Variants in SDK2 observed in about 807,000 individuals in gnomAD.
SDK2 encodes the protein sidekick cell adhesion molecule 2, also known as protein sidekick-2.
SDK2 carries 105 observed loss-of-function variants against 253.9 expected under a neutral mutation model. That is an observed-to-expected ratio of 0.41 (90% CI 0.35 to 0.49). The LOEUF (loss-of-function observed/expected upper bound fraction) is 0.49. Ranked by LOEUF, SDK2 falls within the 20% of genes least tolerant of loss-of-function variation. The probability of loss-of-function intolerance (pLI) is 0.06; values close to 1 mark genes in which losing one functional copy is unlikely to be tolerated. For synonymous variants in SDK2, 1,249 were observed against 1,234.9 expected (o/e 1.01, Z -0.24); for missense variants, 2,608 against 3,003.0 (o/e 0.87, Z 3.07).
Position 73,534,046 on chromosome 17 carries a change from GCTCCTCCTCCTC to G in SDK2, c.65-26461_65-26450del, listed in dbSNP as rs1004554158. Among the ~76,000 whole-genome samples, 1 of 151,662 alleles carries G rather than the reference GCTCCTCCTCCTC, an allele frequency of 6.6e-6. No individual in the cohort carries two copies. Among genetic ancestry groups the G allele is most frequent in the Admixed American group, 6.6e-5 (1 of 15,236 alleles). The stretch of plus-strand genomic sequence containing the variant: ...CGCCATTCTGCTCCGCCTGCTCCCT[GCTCCTCCTCCTC>G]CTCCTCCTTCCCCGCCTCCTCCCCT... On this transcript the variant is annotated intron_variant, in intron 1 of 44. Coordinates refer to ENST00000392650, the MANE Select transcript of SDK2 (RefSeq NM_001144952.2). This position sits in a 1 kb window ranked among gnomAD's most constrained non-coding sequence, Gnocchi z 4.9.
intron 37 of SDK2, among the ~76,000 whole-genome samples, chr17:73,365,985 A>G (rs1341377625): frequency 6.6e-6 from 1 of 152,106 alleles, no homozygotes; most frequent in Non-Finnish European, 1.5e-5. Flanking sequence ...ACCCTGTGGC[A>G]ACCCCAAAAT....
intron 1 of SDK2, among the ~76,000 whole-genome samples, chr17:73,586,342 T>G (rs77218950): frequency 0.015 from 2,297 of 152,166 alleles, 43 homozygotes; most frequent in African/African-American, 0.043. Context: ...GCTGGATCAA[T>G]TCATCCATGT....
At chr17:73,611,506 G>A (rs2045974490) in intron 1 of SDK2, among the ~76,000 whole-genome samples, 1 of 152,226 alleles carries the variant, frequency 6.6e-6, no homozygotes, top group African/African-American at 2.4e-5. Flanking sequence ...TGCCCTGGGG[G>A]GACCCCAACA....
At chr17:73,549,809 T>G (rs1002885090) in intron 1 of SDK2, among the ~76,000 whole-genome samples, 4 of 151,932 alleles carry the variant, frequency 2.6e-5, no homozygotes, top group South Asian at 4.2e-4. Context: ...CGAGGTGGCA[T>G]GATGAGAGGC....
intron 8 of SDK2, among the ~76,000 whole-genome samples, chr17:73,436,723 A>C (rs1357926052): frequency 5.3e-5 from 8 of 151,720 alleles, no homozygotes; most frequent in Non-Finnish European, 1.2e-4. Context: ...GTGATGCCAC[A>C]TTTCATCCAA....
rs1204184247 is a variant in SDK2 at position 73,337,527 on chromosome 17, T to C, written c.*1060A>G. 1 of 142,408 alleles carries C rather than the reference T, an allele frequency of 7.0e-6. No individual in the cohort carries two copies. The highest frequency in any genetic ancestry group is 2.0e-4 in the East Asian group (1 of 5,050). The allele number at this position is 142,408 out of a possible 1,614,324, so 8.8% of individuals were successfully genotyped here. Reference sequence around the variant, plus strand: ...GATGTGTGTGTGTGTGTGTGTGTGGTGAGGATCTATCCAGTGGAGAGTGAC... The same window carrying C: ...GATGTGTGTGTGTGTGTGTGTGTGGCGAGGATCTATCCAGTGGAGAGTGAC... On this transcript the variant is annotated 3_prime_UTR_variant, in exon 45 of 45. Transcript: ENST00000392650.
In SDK2 at chr17:73,394,699, G is replaced by A. The variant is rs375563850; in HGVS notation, c.3593-375C>T. The stretch of plus-strand genomic sequence containing the variant: ...GCCACAGAGCAGTGAACCATGTGTG[G>A]ATGGATGAGAGTTGCCTGAATGCTG... On this transcript the variant is annotated intron_variant, in intron 25 of 44. Transcript: ENST00000392650. Among the ~76,000 whole-genome samples, 164 of 152,314 alleles carry A rather than the reference G, an allele frequency of 1.1e-3. 3 individuals are homozygous for A. In the South Asian group the frequency reaches 0.034, roughly 31 times the overall value.
intron 1 of SDK2, among the ~76,000 whole-genome samples, chr17:73,554,940 T>C (rs1382409724): frequency 6.6e-6 from 1 of 152,248 alleles, no homozygotes; most frequent in East Asian, 1.9e-4. Context: ...CTGAGTCTCT[T>C]CCATCTTCAG....
intron 1 of SDK2, among the ~76,000 whole-genome samples, chr17:73,535,376 A>T (rs557632305): frequency 6.6e-6 from 1 of 152,186 alleles, no homozygotes; most frequent in African/African-American, 2.4e-5. Context: ...TGACAGGAAA[A>T]ATGACATGAT....
At chr17:73,422,479 ATGAAGCATGCT>A in intron 14 of SDK2, 45 bp from the exon 15 acceptor site, 1 of 1,597,288 alleles carries the variant, frequency 6.3e-7, no homozygotes, top group Non-Finnish European at 8.6e-7. Context: ...CTTGGGTGGG[ATGAAGCATGCT>A]TCTTACTCCC....
intron 18 of SDK2, among the ~76,000 whole-genome samples, chr17:73,405,505 T>TACATAC (rs2063068181): frequency 3.4e-5 from 2 of 58,836 alleles, no homozygotes; most frequent in Non-Finnish European, 7.0e-5. Context: ...TATATATATA[T>TACATAC]ATATATATAT....
At chr17:73,404,329 A>C (rs2063053607) in intron 18 of SDK2, among the ~76,000 whole-genome samples, 1 of 152,168 alleles carries the variant, frequency 6.6e-6, no homozygotes, top group South Asian at 2.1e-4. Context: ...TCCCTGCCTC[A>C]GGTCCAGGGA....
rs369504497 is a variant in SDK2, at chr17:73,540,987, C to A, written c.65-33390G>T. ...GTTGTGGCTACACCGTACACCCCAGCCTCCCCTACAGCACTTTCCTGGCAA... is the reference window on the plus strand; with the variant it reads ...GTTGTGGCTACACCGTACACCCCAGACTCCCCTACAGCACTTTCCTGGCAA... On this transcript the variant is annotated intron_variant, in intron 1 of 44. Transcript: ENST00000392650. Among the ~76,000 whole-genome samples, 88 of 152,352 alleles carry A rather than the reference C, an allele frequency of 5.8e-4. No individual in the cohort carries two copies. In the South Asian group the frequency reaches 0.018, roughly 31 times the overall value.
intron 1 of SDK2, among the ~76,000 whole-genome samples, chr17:73,638,407 G>T (rs891728106): frequency 1.3e-5 from 2 of 152,218 alleles, no homozygotes; most frequent in Admixed American, 6.5e-5. Context: ...GAGAGCGAGG[G>T]AGTGGGTGCT....
intron 3 of SDK2, among the ~76,000 whole-genome samples, chr17:73,470,657 C>T (rs750471557): frequency 3.9e-5 from 6 of 152,212 alleles, no homozygotes; most frequent in South Asian, 4.1e-4. Context: ...CTTTTGATTA[C>T]GGTTGTTTTC....
intron 1 of SDK2, among the ~76,000 whole-genome samples, chr17:73,533,605 T>A (rs2064187920): frequency 6.6e-6 from 1 of 151,888 alleles, no homozygotes; most frequent in African/African-American, 2.4e-5. Flanking sequence ...TCCAAAACGC[T>A]CTGTGCTGCC....
intron 1 of SDK2, among the ~76,000 whole-genome samples, chr17:73,591,688 G>C (rs2045684046): frequency 6.6e-6 from 1 of 152,154 alleles, no homozygotes; most frequent in South Asian, 2.1e-4. Flanking sequence ...TGGAGATGCA[G>C]GTTTACAAGA....
At chr17:73,513,250 G>A (rs1369305347) in intron 1 of SDK2, among the ~76,000 whole-genome samples, 1 of 151,942 alleles carries the variant, frequency 6.6e-6, no homozygotes, top group Non-Finnish European at 1.5e-5. Context: ...ATATAGAAAT[G>A]TTCCCACAAA....
chr17:73,393,307 T>G (rs1025467419), intron 27 of SDK2, among the ~76,000 whole-genome samples: 1 of 150,970 alleles, frequency 6.6e-6, no homozygotes, highest in Non-Finnish European at 1.5e-5. Flanking sequence ...TTCTGTATGC[T>G]TGTTTTGCAG....
Sources: gnomAD v4.1 joint callset for allele counts (sites outside exome capture counted in the v4.1 genomes callset) on GRCh38, gnomAD v4.1.1 for gene constraint, Gnocchi (gnomAD v3.1) non-coding constraint, MANE v1.5 for transcripts, NCBI Gene and HGNC (gene_info 2026-07-23, HGNC 2026-07-21) for gene names.